Variants in CHST5 observed in about 807,000 individuals in gnomAD.
CHST5 encodes the protein carbohydrate sulfotransferase 5.
For synonymous variants in CHST5, 313 were observed against 279.2 expected, an observed-to-expected ratio of 1.12 and a Z score of -1.21; for missense variants, 637 against 602.1, an observed-to-expected ratio of 1.06 and a Z score of -0.61.
rs1000073940 is a variant in CHST5 at position 75,529,047 on chromosome 16, T to G, written c.*102A>C. The G allele has an allele frequency of 7.7e-7, 1 of 1,295,392 alleles. No individual in the cohort carries two copies. The highest frequency in any genetic ancestry group is 2.9e-5 in the Admixed American group (1 of 34,732). The allele number at this position is 1,295,392 out of a possible 1,614,324, so 80.2% of individuals were successfully genotyped here. ...AGGACCCCAAACTCCCGGTTGATAGTAGGGACCTGCTTCCCCATGCGCCCC... is the reference window on the plus strand; with the variant it reads ...AGGACCCCAAACTCCCGGTTGATAGGAGGGACCTGCTTCCCCATGCGCCCC... On this transcript the variant is annotated 3_prime_UTR_variant, in exon 4 of 4. Coordinates refer to ENST00000336257, the MANE Select transcript of CHST5 (RefSeq NM_024533.5).
rs761873313 is a variant in CHST5, at chr16:75,530,197, A to G, written c.188T>C (p.Val63Ala). 1.4e-5 allele frequency: 22 copies of G among 1,613,564 alleles called. No homozygotes were observed. The highest frequency in any genetic ancestry group is 1.7e-5 in the Non-Finnish European group (20 of 1,179,996). Residue 63 changes from valine (V) to alanine (A), a missense_variant, in exon 4 of 4, where the codon GTG becomes GCG. Physicochemically the swap from Val to Ala is moderately conservative, Grantham distance 64. Transcript: ENST00000336257. ...PSSPAGGEDR[V>A]HVLVLSSWRS... ...CCACGAGGACAGCACCAGCACGTGC[A>G]CACGATCCTCGCCGCCGGCTGGGGA...
chr16:75,531,442 C>T lies in CHST5; in HGVS notation c.-1058G>A. 1 of 1,230,956 alleles carries T rather than the reference C, an allele frequency of 8.1e-7. No individual in the cohort carries two copies. Among genetic ancestry groups the T allele is most frequent in the South Asian group, 1.5e-5 (1 of 68,246 alleles). 76.3% of individuals were successfully genotyped at this position (1,230,956 alleles called of 1,614,324 possible). A position where few individuals can be genotyped will look rare whatever the true frequency, so the allele number is the denominator to read the frequency against. ...GTGGGGAGTGAAGTGCTGTAGGCAG[C>T]ATGGGCTCCAGAAGGAGGGTGTCCT... On this transcript the variant is annotated 5_prime_UTR_variant, in exon 4 of 4. The change abolishes an upstream ATG in the 5' untranslated region. Coordinates refer to ENST00000336257, the MANE Select transcript of CHST5 (RefSeq NM_024533.5).
chr16:75,533,111 G>T lies in CHST5; in HGVS notation c.-1279C>A. 1 of 702,148 alleles carries T rather than the reference G, an allele frequency of 1.4e-6. No individual in the cohort carries two copies. Among genetic ancestry groups the T allele is most frequent in the Non-Finnish European group, 2.6e-6 (1 of 384,744 alleles). 43.5% of individuals were successfully genotyped at this position (702,148 alleles called of 1,614,324 possible). A position where few individuals can be genotyped will look rare whatever the true frequency, so the allele number is the denominator to read the frequency against. ...TACCTGTGTTCCAGGAAAGCCAGAGGTCTTCTTAAGGTGGTTGAATCACTC... is the reference window on the plus strand; with the variant it reads ...TACCTGTGTTCCAGGAAAGCCAGAGTTCTTCTTAAGGTGGTTGAATCACTC... On this transcript the variant is annotated 5_prime_UTR_variant, in exon 3 of 4. Coordinates refer to ENST00000336257, the MANE Select transcript of CHST5 (RefSeq NM_024533.5).
chr16:75,530,327 C>A lies in CHST5; in HGVS notation c.58G>T (p.Ala20Ser), dbSNP rs769512214. ...GAGAACCGTGGCAGCCACATGCGGG[C>A]GGCTGGGGGCCTTCGGGTGGAGTGG... is the stretch of plus-strand genomic sequence containing the variant. ...VAHSTRRPPAARMWLPRFSSK... is the reference protein window; with the variant it reads ...VAHSTRRPPASRMWLPRFSSK... The change falls in exon 4 of 4, where the codon GCC becomes TCC. Residue 20 changes from alanine to serine, a missense_variant. By Grantham distance (99) the Ala-to-Ser change is moderately conservative. Coordinates refer to ENST00000336257, the MANE Select transcript of CHST5 (RefSeq NM_024533.5). 4 of 1,599,542 alleles carry A rather than the reference C, an allele frequency of 2.5e-6. No homozygotes were observed. Among genetic ancestry groups the A allele is most frequent in the Non-Finnish European group, 1.7e-6 (2 of 1,173,720 alleles).
chr16:75,529,995 A>G lies in CHST5; in HGVS notation c.390T>C (p.Asp130=), dbSNP rs765345293. 1.2e-6 allele frequency: 2 copies of G among 1,613,344 alleles called. No individual in the cohort carries two copies. Among genetic ancestry groups the G allele is most frequent in the South Asian group, 2.2e-5 (2 of 91,086 alleles). The change falls in exon 4 of 4, where the codon GAT becomes GAC. Residue 130 remains aspartate (D), a synonymous_variant. Coordinates refer to ENST00000336257, the MANE Select transcript of CHST5 (RefSeq NM_024533.5). ...GGTTTCGGCTCTGTGGCATGTAGGC[A>G]TCAAACACGTCCATGTCGCACAAAA... ...SIFLCDMDVF[D]AYMPQSRNLS...
At chr16:75,535,762 G>C (rs553465037) in intron 1 of CHST5, among the ~76,000 whole-genome samples, 103 of 152,346 alleles carry the variant, frequency 6.8e-4, no homozygotes, top group African/African-American at 2.4e-3. Context: ...GGGCCCAGGT[G>C]GGCTGGGGCT....
At chr16:75,532,514 T>C (rs2151692132) in intron 3 of CHST5, among the ~76,000 whole-genome samples, 1 of 152,220 alleles carries the variant, frequency 6.6e-6, no homozygotes, top group Admixed American at 6.5e-5. Context: ...GGGTCTAACT[T>C]GTGAGCAGAT....
intron 2 of CHST5, among the ~76,000 whole-genome samples, chr16:75,533,538 T>C (rs1322947716): frequency 6.6e-6 from 1 of 152,170 alleles, no homozygotes; most frequent in Admixed American, 6.5e-5. Flanking sequence ...TTTGATTCTT[T>C]TCTGGGGGCA....
At chr16:75,534,005 T>C (rs1214330291) in intron 2 of CHST5, among the ~76,000 whole-genome samples, 1 of 132,768 alleles carries the variant, frequency 7.5e-6, no homozygotes, top group African/African-American at 3.0e-5. Context: ...GCCATTGCAC[T>C]CTAGCCTGGG....
At chr16:75,534,230 G>C (rs1443163220) in intron 2 of CHST5, among the ~76,000 whole-genome samples, 2 of 150,540 alleles carry the variant, frequency 1.3e-5, no homozygotes, top group African/African-American at 2.4e-5. Context: ...CCAGCTACTC[G>C]GGAGGCTGAG....
chr16:75,529,371 G>C lies in CHST5; in HGVS notation c.1014C>G (p.Ile338Met). The C allele has an allele frequency of 6.2e-7, 1 of 1,613,132 alleles. No homozygotes were observed. The highest frequency in any genetic ancestry group is 8.5e-7 in the Non-Finnish European group (1 of 1,179,930). ...TCCTAGACGAAGTATGGAAGGCCTC[G>C]ATTGGCTTGCCGATCCCCGACCCGT... ...ITHGSGIGKP[I>M]EAFHTSSRNA... The change falls in exon 4 of 4, where the codon ATC becomes ATG. Residue 338 changes from isoleucine (I) to methionine (M), a missense_variant. Ile to Met is a conservative substitution (Grantham distance 10, BLOSUM62 1). Transcript: ENST00000336257.
Position 75,530,310 on chromosome 16 carries a change from T to A in CHST5, c.75A>T (p.Pro25=). 1.9e-6 allele frequency: 3 copies of A among 1,609,002 alleles called. No homozygotes were observed. The highest frequency in any genetic ancestry group is 2.5e-6 in the Non-Finnish European group (3 of 1,178,188). ...RRPPAARMWL[P]RFSSKTVTVL... ...CTGTCACTGTCTTGCTGGAGAACCG[T>A]GGCAGCCACATGCGGGCGGCTGGGG... Residue 25 remains proline, a synonymous_variant, in exon 4 of 4, where the codon CCA becomes CCT. Transcript: ENST00000336257.
Position 75,530,699 on chromosome 16 carries a change from C to T in CHST5, c.-315G>A. 10 of 1,156,802 alleles carry T rather than the reference C, an allele frequency of 8.6e-6. No homozygotes were observed. The highest frequency in any genetic ancestry group is 1.1e-5 in the Non-Finnish European group (10 of 928,916). 71.7% of individuals were successfully genotyped at this position (1,156,802 alleles called of 1,614,324 possible). Reference sequence around the variant, plus strand: ...TGCTTCAGGATACCTCTTAGAGAGACCCTTTTAGGTTGTGGAGCTAAAAGG... The same window carrying T: ...TGCTTCAGGATACCTCTTAGAGAGATCCTTTTAGGTTGTGGAGCTAAAAGG... On this transcript the variant is annotated 5_prime_UTR_variant, in exon 4 of 4. Transcript: ENST00000336257.
At chr16:75,532,766 T>C (rs1214467478) in intron 3 of CHST5, among the ~76,000 whole-genome samples, 1 of 152,242 alleles carries the variant, frequency 6.6e-6, no homozygotes, top group Non-Finnish European at 1.5e-5. Context: ...GGAACTCATA[T>C]TTGCTGACTT....
chr16:75,534,513 G>C (rs1291986385), intron 2 of CHST5, among the ~76,000 whole-genome samples: 1 of 151,976 alleles, frequency 6.6e-6, no homozygotes, highest in Non-Finnish European at 1.5e-5. Context: ...GTGTGGTGGC[G>C]GGCGTCTGTA....
Position 75,528,983 on chromosome 16 carries a change from G to T in CHST5, c.*166C>A. The stretch of plus-strand genomic sequence containing the variant: ...AGACTCAAAGGAAAACCGAGAATCA[G>T]GAGAGAAAGAAACGTGCAGTCCTTG... On this transcript the variant is annotated 3_prime_UTR_variant, in exon 4 of 4. Coordinates refer to ENST00000336257, the MANE Select transcript of CHST5 (RefSeq NM_024533.5). The T allele has an allele frequency of 1.5e-6, 1 of 678,530 alleles. No homozygotes were observed. Among genetic ancestry groups the T allele is most frequent in the African/African-American group, 1.8e-5 (1 of 55,512 alleles). 42.0% of individuals were successfully genotyped at this position (678,530 alleles called of 1,614,324 possible).
chr16:75,529,808 C>A lies in CHST5; in HGVS notation c.577G>T (p.Val193Leu). The A allele has an allele frequency of 6.2e-7, 1 of 1,613,800 alleles. No individual in the cohort carries two copies. ...AREACRSYSH[V>L]VLKEVRFFNL... ...AAGAAGCGCACCTCCTTGAGCACCA[C>A]GTGGCTGTAGGAGCGGCAGGCCTCC... The change falls in exon 4 of 4, where the codon GTG becomes TTG. Residue 193 changes from valine to leucine, a missense_variant. Coordinates refer to ENST00000336257, the MANE Select transcript of CHST5 (RefSeq NM_024533.5).
At position 75,531,341 on chromosome 16, in the gene CHST5, C is replaced by CAACAA. The variant is rs1555503834; in HGVS notation, c.-958_-957insTTGTT. 67 of 834,530 alleles carry CAACAA rather than the reference C, an allele frequency of 8.0e-5. No individual in the cohort carries two copies. In the African/African-American group the frequency reaches 1.2e-3, roughly 15 times the overall value. 51.7% of individuals were successfully genotyped at this position (834,530 alleles called of 1,614,324 possible). A position where few individuals can be genotyped will look rare whatever the true frequency, so the allele number is the denominator to read the frequency against. On this transcript the variant is annotated 5_prime_UTR_variant, in exon 4 of 4. The change creates a premature stop within an existing upstream ORF in the 5' untranslated region. Transcript: ENST00000336257. ...GTTTCAAAAAAAAAAAAAAAAACAA[C>CAACAA]AAAAAAAAAACTTTTGTCATTAAAG...
rs367942640 is a variant in CHST5, at chr16:75,529,199, G to T, written c.1186C>A (p.Leu396Met). 8 of 1,609,446 alleles carry T rather than the reference G, an allele frequency of 5.0e-6. No homozygotes were observed. In the African/African-American group the frequency reaches 8.0e-5, roughly 16 times the overall value. Reference sequence around the variant, plus strand: ...TGGTCTGGGCCTCGTGGCAGCACCAGATCCAGGGTGAGGTCACGCTGCTGG... The same window carrying T: ...TGGTCTGGGCCTCGTGGCAGCACCATATCCAGGGTGAGGTCACGCTGCTGG... The part of the protein sequence containing the change: ...ADQQRDLTLD[L>M]VLPRGPDHFS... The change falls in exon 4 of 4, where the codon CTG (leucine) becomes ATG (methionine). Residue 396 changes from leucine (L) to methionine (M), a missense_variant. Coordinates refer to ENST00000336257, the MANE Select transcript of CHST5 (RefSeq NM_024533.5).
Sources: gnomAD v4.1 joint callset for allele counts (sites outside exome capture counted in the v4.1 genomes callset) on GRCh38, gnomAD v4.1.1 for gene constraint, MANE v1.5 for transcripts, NCBI Gene and HGNC (gene_info 2026-07-23, HGNC 2026-07-21) for gene names.